Variants in CNTNAP4 observed in about 807,000 individuals in gnomAD.
The protein encoded by CNTNAP4 is contactin-associated protein-like 4.
A neutral mutation model predicts 148.4 loss-of-function variants in CNTNAP4; 98 were observed. The ratio of observed to expected loss-of-function variants is 0.66; its 90% CI spans 0.56 to 0.78. The LOEUF (loss-of-function observed/expected upper bound fraction) is 0.78. Among genes scored for constraint, CNTNAP4 ranks in the 30% least tolerant of loss-of-function variants. The pLI is 0.00. For synonymous variants in CNTNAP4, 730 were observed against 565.1 expected (o/e 1.29, Z -4.14); for missense variants, 1,935 against 1,565.6 (o/e 1.24, Z -3.98).
At chr16:76,364,827 C>G (rs2013913191) in intron 3 of CNTNAP4, among the ~76,000 whole-genome samples, 1 of 152,024 alleles carries the variant, frequency 6.6e-6, no homozygotes, top group Non-Finnish European at 1.5e-5. Flanking sequence ...TGTAGGTTGC[C>G]TGTTCAGTCT....
chr16:76,524,897 C>T (rs1439326067), intron 17 of CNTNAP4, among the ~76,000 whole-genome samples: 1 of 151,918 alleles, frequency 6.6e-6, no homozygotes, highest in Non-Finnish European at 1.5e-5. Context: ...CATTTTCCTC[C>T]TTCCTGCTCA....
chr16:76,303,017 A>G (rs1960142171), intron 1 of CNTNAP4, among the ~76,000 whole-genome samples: 1 of 152,208 alleles, frequency 6.6e-6, no homozygotes, highest in Non-Finnish European at 1.5e-5. Context: ...GAGCTAATGC[A>G]CACCTACTCT....
chr16:76,522,535 A>C (rs1387597065), intron 17 of CNTNAP4, among the ~76,000 whole-genome samples: 10 of 151,858 alleles, frequency 6.6e-5, no homozygotes, highest in Admixed American at 6.6e-4. Flanking sequence ...TTTGTGTTTA[A>C]CTAATTCCTA....
chr16:76,436,538 A>T (rs538880454), intron 4 of CNTNAP4, among the ~76,000 whole-genome samples: 1 of 152,288 alleles, frequency 6.6e-6, no homozygotes, highest in African/African-American at 2.4e-5. Context: ...AGAAGATTTG[A>T]GACCCACTAT....
At chr16:76,345,873 A>G (rs1348035011) in intron 2 of CNTNAP4, among the ~76,000 whole-genome samples, 2 of 152,292 alleles carry the variant, frequency 1.3e-5, no homozygotes, top group Non-Finnish European at 1.5e-5. Context: ...AAACTTGTCT[A>G]CAGTTGAGTT....
At chr16:76,489,916 A>G in intron 13 of CNTNAP4, 33 bp downstream of exon 13, 1 of 1,392,900 alleles carries the variant, frequency 7.2e-7, no homozygotes, top group Non-Finnish European at 9.7e-7. Context: ...CTTGTTGCAC[A>G]CATCACATCA....
intron 4 of CNTNAP4, among the ~76,000 whole-genome samples, chr16:76,428,585 C>G (rs1047776878): frequency 3.9e-5 from 6 of 152,076 alleles, no homozygotes; most frequent in Non-Finnish European, 2.9e-5. Flanking sequence ...GTTGTCTAAA[C>G]TCTATCCGAC....
intron 3 of CNTNAP4, among the ~76,000 whole-genome samples, chr16:76,420,404 G>A (rs1010157053): frequency 6.6e-6 from 1 of 151,872 alleles, no homozygotes; most frequent in African/African-American, 2.4e-5. Flanking sequence ...TTTCTGCAAA[G>A]TGTAATTTCA....
chr16:76,438,116 AG>A, intron 4 of CNTNAP4, among the ~76,000 whole-genome samples: 1 of 152,256 alleles, frequency 6.6e-6, no homozygotes, highest in South Asian at 2.1e-4. Flanking sequence ...AGATTTTACT[AG>A]GAAGTGGGGA....
chr16:76,402,540 G>A (rs539623036), intron 3 of CNTNAP4, among the ~76,000 whole-genome samples: 107 of 151,996 alleles, frequency 7.0e-4, no homozygotes, highest in African/African-American at 2.3e-3. Flanking sequence ...ATGGCTTTTC[G>A]TTTCTTGATT....
At chr16:76,299,162 C>G (rs1959659089) in intron 1 of CNTNAP4, among the ~76,000 whole-genome samples, 1 of 152,096 alleles carries the variant, frequency 6.6e-6, no homozygotes, top group Admixed American at 6.5e-5. Flanking sequence ...TCTAATTAAA[C>G]TAAAGAGCTT....
intron 3 of CNTNAP4, among the ~76,000 whole-genome samples, chr16:76,413,497 T>C (rs755977425): frequency 1.3e-5 from 2 of 151,264 alleles, no homozygotes; most frequent in African/African-American, 2.4e-5. Context: ...TCCAGTGATC[T>C]GTTTGAAGAA....
At chr16:76,545,150 T>C (rs1435767203) in intron 21 of CNTNAP4, among the ~76,000 whole-genome samples, 1 of 152,220 alleles carries the variant, frequency 6.6e-6, no homozygotes, top group Non-Finnish European at 1.5e-5. Flanking sequence ...AAAATCTATC[T>C]TACAATCTTT....
chr16:76,472,954 A>C (rs373221156), intron 10 of CNTNAP4, among the ~76,000 whole-genome samples: 1 of 152,168 alleles, frequency 6.6e-6, no homozygotes, highest in East Asian at 1.9e-4. Context: ...CCTGAACTTA[A>C]AATAAGAGTT....
intron 1 of CNTNAP4, among the ~76,000 whole-genome samples, chr16:76,293,755 G>A (rs960595121): frequency 6.6e-6 from 1 of 150,874 alleles, no homozygotes; most frequent in Non-Finnish European, 1.5e-5. Context: ...AAAATATCAG[G>A]TGAAATAGTA....
chr16:76,476,872 T>C (rs1444773589), intron 11 of CNTNAP4, among the ~76,000 whole-genome samples: 1 of 152,134 alleles, frequency 6.6e-6, no homozygotes, highest in Non-Finnish European at 1.5e-5. Flanking sequence ...CGCTAGATAA[T>C]TCTTATGTTA....
chr16:76,549,194 T>G (rs7199695), intron 21 of CNTNAP4, among the ~76,000 whole-genome samples: 48,893 of 151,936 alleles, frequency 0.32, 8,170 homozygotes, highest in African/African-American at 0.42. Flanking sequence ...TTGGATCTTG[T>G]GGATTGCTTG....
intron 3 of CNTNAP4, among the ~76,000 whole-genome samples, chr16:76,373,133 A>T (rs929806943): frequency 6.6e-6 from 1 of 151,106 alleles, no homozygotes; most frequent in Non-Finnish European, 1.5e-5. Context: ...TAAATAGGTG[A>T]ATATATTCCA....
chr16:76,438,706 G>C (rs4887862), intron 4 of CNTNAP4, among the ~76,000 whole-genome samples: 1 of 151,746 alleles, frequency 6.6e-6, no homozygotes, highest in Non-Finnish European at 1.5e-5. Flanking sequence ...CTCCTAACAG[G>C]CCTCATCCCT....
Sources: gnomAD v4.1 joint callset for allele counts (sites outside exome capture counted in the v4.1 genomes callset) on GRCh38, gnomAD v4.1.1 for gene constraint, MANE v1.5 for transcripts, NCBI Gene and HGNC (gene_info 2026-07-23, HGNC 2026-07-21) for gene names.